The following ZMIZ2 variants were observed in gnomAD, a reference collection of about 807,000 sequenced individuals.
The protein encoded by ZMIZ2 is zinc finger MIZ domain-containing protein 2.
Under a neutral mutation model 93.9 loss-of-function variants are expected in ZMIZ2, and 26 were observed. The ratio of observed to expected loss-of-function variants is 0.28; its 90% CI spans 0.20 to 0.38. The LOEUF (loss-of-function observed/expected upper bound fraction) is 0.38. ZMIZ2 is among the 10% of genes least tolerant of loss of function. The pLI is 1.00. For missense variants in ZMIZ2, 1,023 were observed against 1,235.0 expected (o/e 0.83, Z 2.57); for synonymous variants, 485 against 516.4 (o/e 0.94, Z 0.82).
Position 44,766,104 on chromosome 7 carries a change from C to T in ZMIZ2, c.2243-60C>T. The T allele has an allele frequency of 6.6e-7, 1 of 1,524,084 alleles. No individual in the cohort carries two copies. The highest frequency in any genetic ancestry group is 8.8e-7 in the Non-Finnish European group (1 of 1,141,930). The allele number at this position is 1,524,084 out of a possible 1,614,324, so 94.4% of individuals were successfully genotyped here. A position where few individuals can be genotyped will look rare whatever the true frequency, so the allele number is the denominator to read the frequency against. On this transcript the variant is annotated intron_variant, in intron 16 of 18. Coordinates refer to ENST00000309315, the MANE Select transcript of ZMIZ2 (RefSeq NM_031449.4). This position sits in a 1 kb window ranked among gnomAD's most constrained non-coding sequence, Gnocchi z 4.4. The stretch of plus-strand genomic sequence containing the variant: ...ATGCCACAGCCAGCCTCCCTCCTGG[C>T]TCCTCTGCCAGCGGTGGCCTTCCCC...
At chr7:44,752,111 G>A (rs1017443773) in intron 1 of ZMIZ2, among the ~76,000 whole-genome samples, 1 of 152,034 alleles carries the variant, frequency 6.6e-6, no homozygotes, top group African/African-American at 2.4e-5. Flanking sequence ...ATACAGTAAA[G>A]AGGTTACAGC....
chr7:44,767,709 C>G lies in ZMIZ2; in HGVS notation c.*86C>G. 1 of 1,262,544 alleles carries G rather than the reference C, an allele frequency of 7.9e-7. No individual in the cohort carries two copies. Among genetic ancestry groups the G allele is most frequent in the Non-Finnish European group, 1.1e-6 (1 of 876,750 alleles). The allele number at this position is 1,262,544 out of a possible 1,614,324, so 78.2% of individuals were successfully genotyped here. On this transcript the variant is annotated 3_prime_UTR_variant, in exon 19 of 19. Transcript: ENST00000309315. ...TTCATGCCCAGCCCCATGGGACACC[C>G]GGTGGTCTTTCCCAAACCTCCCCCA...
Position 44,763,177 on chromosome 7 carries a change from C to T in ZMIZ2, c.1703-79C>T. The T allele has an allele frequency of 6.4e-7, 1 of 1,566,846 alleles. No homozygotes were observed. Among genetic ancestry groups the T allele is most frequent in the Non-Finnish European group, 8.7e-7 (1 of 1,151,018 alleles). The stretch of plus-strand genomic sequence containing the variant: ...CTGTCAGTGGGTCAGTGACTGGGTC[C>T]CTGCCTCGTTGGCATCCCCATTCAC... On this transcript the variant is annotated intron_variant, in intron 12 of 18. Coordinates refer to ENST00000309315, the MANE Select transcript of ZMIZ2 (RefSeq NM_031449.4). The surrounding 1 kb of genome is among the most constrained non-coding windows in gnomAD (Gnocchi z 5.6).
chr7:44,758,028 C>T lies in ZMIZ2; in HGVS notation c.733C>T (p.Arg245Cys), dbSNP rs759667830. ...AGMTPLYAGQRLPQHGYPGPP... is the reference protein window; with the variant it reads ...AGMTPLYAGQCLPQHGYPGPP... ...AATGACACCCTTGTATGCAGGGCAG[C>T]GTCTGCCCCAACATGGGTATCCTGG... Residue 245 changes from arginine to cysteine, a missense_variant, in exon 6 of 19, where the codon CGT becomes TGT. Physicochemically the swap from Arg to Cys is radical, Grantham distance 180. Transcript: ENST00000309315. The T allele has an allele frequency of 1.3e-5, 21 of 1,610,534 alleles. No homozygotes were observed. The highest frequency in any genetic ancestry group is 3.3e-5 in the Admixed American group (2 of 59,794).
In ZMIZ2 at chr7:44,769,620, C is replaced by G. The variant is rs1014435036; in HGVS notation, c.*1997C>G. On this transcript the variant is annotated 3_prime_UTR_variant, in exon 19 of 19. Coordinates refer to ENST00000309315, the MANE Select transcript of ZMIZ2 (RefSeq NM_031449.4). ...TTTCTTGGGTGTCAAATGACTGTGT[C>G]CTGGACATCTGATGCACCACCTGCC... 6.5e-6 allele frequency: 1 copy of G among 152,688 alleles called. No individual in the cohort carries two copies. The highest frequency in any genetic ancestry group is 6.5e-5 in the Admixed American group (1 of 15,288). 9.5% of individuals were successfully genotyped at this position (152,688 alleles called of 1,614,324 possible).
Position 44,759,497 on chromosome 7 carries a change from G to A in ZMIZ2, c.993+37G>A, listed in dbSNP as rs763603344. The stretch of plus-strand genomic sequence containing the variant: ...TCCTCCAGGCCCTGTGCCGGGCTCC[G>A]TGCTGAGTGCTGTGGGACAGGGGAC... On this transcript the variant is annotated intron_variant, in intron 7 of 18. Transcript: ENST00000309315. The A allele has an allele frequency of 5.4e-5, 76 of 1,396,232 alleles. No homozygotes were observed. In the South Asian group the frequency reaches 7.1e-4, roughly 13 times the overall value. The allele number at this position is 1,396,232 out of a possible 1,614,324, so 86.5% of individuals were successfully genotyped here. A position where few individuals can be genotyped will look rare whatever the true frequency, so the allele number is the denominator to read the frequency against.
Position 44,757,492 on chromosome 7 carries a change from C to CGCCACA in ZMIZ2, c.495_500dup (p.Ala166_Thr167dup), listed in dbSNP as rs763312673. The stretch of plus-strand genomic sequence containing the variant: ...TGGCTGCTGCGGCAGCCACTGCCAC[C>CGCCACA]GCCACAGCCACAGCCACCGTGGCTG... On this transcript the variant is annotated inframe_insertion, in exon 5 of 19. Transcript: ENST00000309315. 8.1e-6 allele frequency: 13 copies of CGCCACA among 1,606,852 alleles called. No individual in the cohort carries two copies. The highest frequency in any genetic ancestry group is 2.2e-5 in the South Asian group (2 of 91,008).
At position 44,759,300 on chromosome 7, in the gene ZMIZ2, A is replaced by G. The variant is rs1428523746; in HGVS notation, c.833A>G (p.Tyr278Cys). Residue 278 changes from tyrosine to cysteine, a missense_variant, in exon 7 of 19, where the codon TAT becomes TGT. By Grantham distance (194) the Tyr-to-Cys change is radical. Around this residue, in one of 3 missense-constraint regions of ZMIZ2, gnomAD observed 656 missense variants for 777.1 expected, o/e 0.84. Transcript: ENST00000309315. ...TTTCAGGTGTATCCAGGGCAGCAGT[A>G]TCTGCAAGGAGGCCAGTATGCACCC... ...TYSEVYPGQQYLQGGQYAPST... is the reference protein window; with the variant it reads ...TYSEVYPGQQCLQGGQYAPST... The G allele has an allele frequency of 2.6e-6, 4 of 1,564,390 alleles. No individual in the cohort carries two copies. Among genetic ancestry groups the G allele is most frequent in the Non-Finnish European group, 3.5e-6 (4 of 1,155,904 alleles).
chr7:44,763,251 G>A lies in ZMIZ2; in HGVS notation c.1703-5G>A, dbSNP rs775307384. On this transcript the variant is annotated splice_region_variant and splice_polypyrimidine_tract_variant and intron_variant, in intron 12 of 18. Transcript: ENST00000309315. The surrounding 1 kb of genome is among the most constrained non-coding windows in gnomAD (Gnocchi z 5.6). Reference sequence around the variant, plus strand: ...TACTCAAGTCCTTTACCTTGTTGATGTCAGTAAAGCGGAACTTCAGCAGCG... The same window carrying A: ...TACTCAAGTCCTTTACCTTGTTGATATCAGTAAAGCGGAACTTCAGCAGCG... 1.2e-6 allele frequency: 2 copies of A among 1,613,668 alleles called. No homozygotes were observed. Among genetic ancestry groups the A allele is most frequent in the African/African-American group, 1.3e-5 (1 of 74,842 alleles).
Position 44,765,919 on chromosome 7 carries a change from G to A in ZMIZ2, c.2243-245G>A. The A allele has an allele frequency of 1.4e-6, 2 of 1,396,552 alleles. No homozygotes were observed. Among genetic ancestry groups the A allele is most frequent in the Non-Finnish European group, 1.9e-6 (2 of 1,080,296 alleles). The allele number at this position is 1,396,552 out of a possible 1,614,324, so 86.5% of individuals were successfully genotyped here. A position where few individuals can be genotyped will look rare whatever the true frequency, so the allele number is the denominator to read the frequency against. On this transcript the variant is annotated intron_variant, in intron 16 of 18. Transcript: ENST00000309315. The surrounding 1 kb of genome is among the most constrained non-coding windows in gnomAD (Gnocchi z 4.1). Reference sequence around the variant, plus strand: ...CCCACCTCACACGCGTGGTGCGTTTGTTTGTGGCTGCTCCCATTCCTATAA... The same window carrying A: ...CCCACCTCACACGCGTGGTGCGTTTATTTGTGGCTGCTCCCATTCCTATAA...
At chr7:44,767,436 C>G (rs565432040) in intron 18 of ZMIZ2, 80 bp from the exon 19 acceptor site, 22 of 1,209,592 alleles carry the variant, frequency 1.8e-5, no homozygotes, top group African/African-American at 3.0e-5. Flanking sequence ...GAGACAGGGC[C>G]GGGATGTGGT....
chr7:44,759,723 G>T (rs1031010502), intron 7 of ZMIZ2: 16 of 472,052 alleles, frequency 3.4e-5, no homozygotes, highest in African/African-American at 3.0e-4. Flanking sequence ...ATATCTCAGG[G>T]GTATCCTGTG....
chr7:44,764,548 T>C lies in ZMIZ2; in HGVS notation c.1928+62T>C, dbSNP rs770797560. The C allele has an allele frequency of 5.7e-5, 88 of 1,554,188 alleles. 1 individual carries two copies. The highest frequency in any genetic ancestry group is 7.6e-5 in the Non-Finnish European group (86 of 1,129,444). ...TGGTGCTTTTAGAGGCTTTCATGGGTGAAACCTCCAACAGCATCATCAAAG... is the reference window on the plus strand; with the variant it reads ...TGGTGCTTTTAGAGGCTTTCATGGGCGAAACCTCCAACAGCATCATCAAAG... On this transcript the variant is annotated intron_variant, in intron 14 of 18. Coordinates refer to ENST00000309315, the MANE Select transcript of ZMIZ2 (RefSeq NM_031449.4).
At chr7:44,755,504 G>T (rs1448973702) in intron 1 of ZMIZ2, among the ~76,000 whole-genome samples, 1 of 152,192 alleles carries the variant, frequency 6.6e-6, no homozygotes, top group African/African-American at 2.4e-5. Context: ...GGGCCTTCTT[G>T]TTGGGAGGGG....
At chr7:44,760,874 G>A (rs1791111635) in intron 9 of ZMIZ2, among the ~76,000 whole-genome samples, 1 of 149,762 alleles carries the variant, frequency 6.7e-6, no homozygotes, top group Non-Finnish European at 1.5e-5. Flanking sequence ...AAAGGCCAAG[G>A]ATTCCATCTT....
chr7:44,761,530 A>T lies in ZMIZ2; in HGVS notation c.1322A>T (p.Asn441Ile). 1.9e-6 allele frequency: 3 copies of T among 1,614,100 alleles called. No homozygotes were observed. The highest frequency in any genetic ancestry group is 2.5e-6 in the Non-Finnish European group (3 of 1,180,020). ...VVLEPFRLQH[N>I]LAVSNHVFQL... ...CTGGAGCCCTTCCGCCTGCAGCACAACCTGGCTGTAAGCAACCATGTCTTC... is the reference window on the plus strand; with the variant it reads ...CTGGAGCCCTTCCGCCTGCAGCACATCCTGGCTGTAAGCAACCATGTCTTC... The change falls in exon 10 of 19, where the codon AAC (asparagine) becomes ATC (isoleucine). Residue 441 changes from asparagine (N) to isoleucine (I), a missense_variant. Around this residue, in one of 3 missense-constraint regions of ZMIZ2, gnomAD observed 656 missense variants for 777.1 expected, o/e 0.84. Coordinates refer to ENST00000309315, the MANE Select transcript of ZMIZ2 (RefSeq NM_031449.4). The surrounding 1 kb of genome is among the most constrained non-coding windows in gnomAD (Gnocchi z 5.8).
intron 14 of ZMIZ2, 100 bp from the exon 15 acceptor site, chr7:44,764,841 C>A: frequency 7.8e-7 from 1 of 1,281,178 alleles, no homozygotes; most frequent in Admixed American, 2.0e-5. Context: ...AGGATTGCCT[C>A]ATGCAGGGTC....
Position 44,765,927 on chromosome 7 carries a change from C to T in ZMIZ2, c.2243-237C>T. ...ACACGCGTGGTGCGTTTGTTTGTGG[C>T]TGCTCCCATTCCTATAACCTCCGAG... On this transcript the variant is annotated intron_variant, in intron 16 of 18. Transcript: ENST00000309315. The surrounding 1 kb of genome is among the most constrained non-coding windows in gnomAD (Gnocchi z 4.1). 2.2e-6 allele frequency: 3 copies of T among 1,369,490 alleles called. No individual in the cohort carries two copies. Among genetic ancestry groups the T allele is most frequent in the Non-Finnish European group, 2.8e-6 (3 of 1,066,672 alleles). 84.8% of individuals were successfully genotyped at this position (1,369,490 alleles called of 1,614,324 possible).
chr7:44,758,471 C>CAA (rs554628430), intron 6 of ZMIZ2, among the ~76,000 whole-genome samples: 7 of 69,014 alleles, frequency 1.0e-4, no homozygotes, highest in African/African-American at 2.0e-4. Context: ...GACCCTGTTT[C>CAA]AAAAAAAAAA....
Sources: allele counts gnomAD v4.1 joint callset (sites outside exome capture counted in the v4.1 genomes callset), GRCh38; gene constraint gnomAD v4.1.1; regional missense constraint gnomAD v4.1.1; non-coding constraint Gnocchi (gnomAD v3.1); transcripts MANE v1.5; gene names NCBI Gene and HGNC (gene_info 2026-07-23, HGNC 2026-07-21).